SMPDL3B: variants seen among roughly 807,000 people sequenced by gnomAD.
The protein encoded by SMPDL3B is acid sphingomyelinase-like phosphodiesterase 3b.
Under a neutral mutation model 37.9 loss-of-function variants are expected in SMPDL3B, and 31 were observed. The ratio of observed to expected loss-of-function variants is 0.82; its 90% confidence interval spans 0.61 to 1.10. The LOEUF (loss-of-function observed/expected upper bound fraction) is 1.10, where lower values mean the gene tolerates loss of function less well. Ranked by LOEUF, SMPDL3B falls within the 50% of genes least tolerant of loss-of-function variation. The probability of loss-of-function intolerance (pLI) is 0.00; values close to 1 mark genes in which losing one functional copy is unlikely to be tolerated. For missense variants in SMPDL3B, 525 were observed against 597.8 expected, an observed-to-expected ratio of 0.88 and a Z score of 1.27; for synonymous variants, 235 against 242.6, an observed-to-expected ratio of 0.97 and a Z score of 0.29.
At chr1:27,956,245 C>T (rs745329484) in intron 7 of SMPDL3B, 163 bp downstream of exon 7, 11 of 1,555,510 alleles carry the variant, frequency 7.1e-6, no homozygotes, top group Non-Finnish European at 9.6e-6. Flanking sequence ...CCTGGAGGCA[C>T]CTGCCACCGA....
chr1:27,940,886 A>G (rs1456271527), intron 1 of SMPDL3B, among the ~76,000 whole-genome samples: 2 of 152,186 alleles, frequency 1.3e-5, no homozygotes, highest in African/African-American at 4.8e-5. Flanking sequence ...CTCCTGGCCC[A>G]AGGGGTAATT....
In SMPDL3B at chr1:27,949,665, C is replaced by T. The variant is rs956580367; in HGVS notation, c.373+503C>T. ...GGACTGGGGGTGAGTGAGGCAGCAG[C>T]CCTACGGGACACTATAGGGTGAATA... is the stretch of plus-strand genomic sequence containing the variant. On this transcript the variant is annotated intron_variant, in intron 3 of 7. Coordinates refer to ENST00000373894, the MANE Select transcript of SMPDL3B (RefSeq NM_014474.4). 6.6e-5 allele frequency among the ~76,000 whole-genome samples: 10 copies of T among 152,288 alleles called. No homozygotes were observed. In the South Asian group the frequency reaches 8.3e-4, roughly 13 times the overall value.
At chr1:27,938,864 A>C (rs1193797845) in intron 1 of SMPDL3B, 1 of 152,252 alleles carries the variant, frequency 6.6e-6, no homozygotes, top group African/African-American at 2.4e-5. Context: ...GGGCTAAGCT[A>C]CGATGCCCTT....
In SMPDL3B at chr1:27,945,397, A is replaced by C; in HGVS notation, c.227A>C (p.Tyr76Ser). The change falls in exon 2 of 8, where the codon TAT (tyrosine) becomes TCT (serine). Residue 76 changes from tyrosine to serine, a missense_variant. Coordinates refer to ENST00000373894, the MANE Select transcript of SMPDL3B (RefSeq NM_014474.4). This position sits in a 1 kb window ranked among gnomAD's most constrained non-coding sequence, Gnocchi z 4.0. ...TGGGCCCTCATCAACTCCTCCATCT[A>C]TGCCATGAAGGAGATTGAGCCAGAG... ...SPWALINSSI[Y>S]AMKEIEPEPD... 1 of 1,614,080 alleles carries C rather than the reference A, an allele frequency of 6.2e-7. No homozygotes were observed. Among genetic ancestry groups the C allele is most frequent in the Non-Finnish European group, 8.5e-7 (1 of 1,179,984 alleles).
intron 1 of SMPDL3B, among the ~76,000 whole-genome samples, chr1:27,939,417 CAT>C (rs1287175262): frequency 6.6e-6 from 1 of 152,116 alleles, no homozygotes; most frequent in African/African-American, 2.4e-5. Flanking sequence ...GTGCTGCAAT[CAT>C]AGCTCAAGGT....
intron 4 of SMPDL3B, among the ~76,000 whole-genome samples, chr1:27,953,810 C>G (rs1397645368): frequency 6.6e-6 from 1 of 152,196 alleles, no homozygotes; most frequent in Admixed American, 6.5e-5. Flanking sequence ...GCTGTGACAA[C>G]CAAAAATGTC....
At position 27,958,774 on chromosome 1, in the gene SMPDL3B, C is replaced by T. The variant is rs150811927; in HGVS notation, c.1304C>T (p.Thr435Met). 114 of 1,610,358 alleles carry T rather than the reference C, an allele frequency of 7.1e-5. No homozygotes were observed. Among genetic ancestry groups the T allele is most frequent in the South Asian group, 6.5e-4 (59 of 90,994 alleles). The change falls in exon 8 of 8, where the codon ACG becomes ATG. Residue 435 changes from threonine to methionine, a missense_variant. Thr to Met is a moderately conservative substitution (Grantham distance 81, BLOSUM62 -1). Transcript: ENST00000373894. The surrounding 1 kb of genome is among the most constrained non-coding windows in gnomAD (Gnocchi z 5.6). ...ACCTGTCTGTATGCCTCTGGCACCA[C>T]GCCCGTGCCCCAGCTCCCGCTGCTG... The part of the protein sequence containing the change: ...YTTCLYASGT[T>M]PVPQLPLLLM...
Position 27,944,287 on chromosome 1 carries a change from G to A in SMPDL3B, c.62-945G>A, listed in dbSNP as rs368813089. On this transcript the variant is annotated intron_variant, in intron 1 of 7. Transcript: ENST00000373894. ...GGAGGTCAGCCCGATCTGAAGTGGC[G>A]TTCCTTTTTCCCTGGTCTAGTACTC... 1.1e-4 allele frequency among the ~76,000 whole-genome samples: 16 copies of A among 152,082 alleles called. No individual in the cohort carries two copies. In the East Asian group the frequency reaches 1.3e-3, roughly 13 times the overall value.
intron 2 of SMPDL3B, among the ~76,000 whole-genome samples, chr1:27,947,886 G>A (rs1479763357): frequency 6.6e-6 from 1 of 151,922 alleles, no homozygotes; most frequent in Non-Finnish European, 1.5e-5. Flanking sequence ...CGGCCTAGGT[G>A]TGTTTTTTAT....
At chr1:27,938,353 G>A (rs2090326479) in intron 1 of SMPDL3B, among the ~76,000 whole-genome samples, 1 of 152,222 alleles carries the variant, frequency 6.6e-6, no homozygotes, top group Admixed American at 6.5e-5. Context: ...GCCACTGCCT[G>A]TATGGAAGAG....
At position 27,958,415 on chromosome 1, in the gene SMPDL3B, C is replaced by T; in HGVS notation, c.1006-61C>T. The stretch of plus-strand genomic sequence containing the variant: ...AGAACTTGGGGGCAAATGCAAGGTG[C>T]AGGATGGGGATGGAAGCAGACAACT... On this transcript the variant is annotated intron_variant, in intron 7 of 7. Transcript: ENST00000373894. This position sits in a 1 kb window ranked among gnomAD's most constrained non-coding sequence, Gnocchi z 5.6. The T allele has an allele frequency of 6.5e-7, 1 of 1,544,002 alleles. No individual in the cohort carries two copies. Among genetic ancestry groups the T allele is most frequent in the Non-Finnish European group, 8.8e-7 (1 of 1,141,496 alleles).
intron 2 of SMPDL3B, among the ~76,000 whole-genome samples, chr1:27,946,400 C>T (rs946801082): frequency 1.3e-5 from 2 of 152,022 alleles, no homozygotes; most frequent in East Asian, 1.9e-4. Flanking sequence ...CCCATCTCCT[C>T]GCTTGCTCCC....
At position 27,958,523 on chromosome 1, in the gene SMPDL3B, G is replaced by T; in HGVS notation, c.1053G>T (p.Gly351=). The T allele has an allele frequency of 1.9e-6, 3 of 1,613,608 alleles. No homozygotes were observed. The highest frequency in any genetic ancestry group is 2.2e-5 in the East Asian group (1 of 44,868). Residue 351 remains glycine, a synonymous_variant, in exon 8 of 8, where the codon GGG becomes GGT. Transcript: ENST00000373894. The surrounding 1 kb of genome is among the most constrained non-coding windows in gnomAD (Gnocchi z 5.6). ...FMNLSQANAQ[G]TPRWELEYQL... is the part of the protein sequence containing the mutation. Reference sequence around the variant, plus strand: ...ACCTGAGCCAGGCGAATGCTCAGGGGACGCCGCGCTGGGAGCTCGAGTACC... The same window carrying T: ...ACCTGAGCCAGGCGAATGCTCAGGGTACGCCGCGCTGGGAGCTCGAGTACC...
intron 2 of SMPDL3B, among the ~76,000 whole-genome samples, chr1:27,947,484 T>C (rs1012003689): frequency 6.7e-6 from 1 of 148,538 alleles, no homozygotes; most frequent in African/African-American, 2.6e-5. Context: ...AGGATGGCCA[T>C]TAGAAATTAG....
intron 1 of SMPDL3B, chr1:27,938,878 T>A (rs531218652): frequency 6.6e-6 from 1 of 152,350 alleles, no homozygotes; most frequent in East Asian, 1.9e-4. Context: ...TGCCCTTTGG[T>A]AGGTTGGGTG....
In SMPDL3B at chr1:27,958,778, C is replaced by T. The variant is rs749015260; in HGVS notation, c.1308C>T (p.Pro436=). Residue 436 remains proline (P), a synonymous_variant, in exon 8 of 8, where the codon CCC becomes CCT. Transcript: ENST00000373894. The surrounding 1 kb of genome is among the most constrained non-coding windows in gnomAD (Gnocchi z 5.6). Reference sequence around the variant, plus strand: ...GTCTGTATGCCTCTGGCACCACGCCCGTGCCCCAGCTCCCGCTGCTGCTGA... The same window carrying T: ...GTCTGTATGCCTCTGGCACCACGCCTGTGCCCCAGCTCCCGCTGCTGCTGA... ...TTCLYASGTT[P]VPQLPLLLMA... is the part of the protein sequence containing the mutation. 9.9e-6 allele frequency: 16 copies of T among 1,609,898 alleles called. No homozygotes were observed. In the East Asian group the frequency reaches 1.1e-4, roughly 11 times the overall value.
In SMPDL3B at chr1:27,954,420, A is replaced by G; in HGVS notation, c.584A>G (p.Asn195Ser). 6.2e-7 allele frequency: 1 copy of G among 1,614,084 alleles called. No individual in the cohort carries two copies. The highest frequency in any genetic ancestry group is 2.2e-5 in the East Asian group (1 of 44,886). ...GGGCGAATTGTGGTCCTCAACACCA[A>G]TCTGTACTATACCAGCAATGCGCTG... is the stretch of plus-strand genomic sequence containing the variant. ...GAGRIVVLNT[N>S]LYYTSNALTA... The change falls in exon 5 of 8, where the codon AAT becomes AGT. Residue 195 changes from asparagine (N) to serine (S), a missense_variant. Coordinates refer to ENST00000373894, the MANE Select transcript of SMPDL3B (RefSeq NM_014474.4).
At chr1:27,952,666 G>A (rs2090463769) in intron 3 of SMPDL3B, among the ~76,000 whole-genome samples, 1 of 152,128 alleles carries the variant, frequency 6.6e-6, no homozygotes, top group South Asian at 2.1e-4. Context: ...TTCCCTTTCT[G>A]TGACATCCCT....
chr1:27,941,816 G>A (rs1273076554), intron 1 of SMPDL3B, among the ~76,000 whole-genome samples: 1 of 152,204 alleles, frequency 6.6e-6, no homozygotes, highest in African/African-American at 2.4e-5. Flanking sequence ...GCTGAGGGTG[G>A]TGGGTTGGGC....
Sources: allele counts gnomAD v4.1 joint callset (sites outside exome capture counted in the v4.1 genomes callset), GRCh38; gene constraint gnomAD v4.1.1; non-coding constraint Gnocchi (gnomAD v3.1); transcripts MANE v1.5; gene names NCBI Gene and HGNC (gene_info 2026-07-23, HGNC 2026-07-21).